The following IGSF11 variants were observed in gnomAD, a reference collection of about 807,000 sequenced individuals.
The protein encoded by IGSF11 is immunoglobulin superfamily member 11.
In IGSF11, 22 loss-of-function variants were observed where a neutral mutation model predicts 41.0. That is an observed-to-expected ratio of 0.54 (90% CI 0.38 to 0.77). The LOEUF (loss-of-function observed/expected upper bound fraction) is 0.77, where lower values mean the gene tolerates loss of function less well. Among genes scored for constraint, IGSF11 ranks in the 30% least tolerant of loss-of-function variants. IGSF11 has a pLI of 0.00. For synonymous variants in IGSF11, 219 were observed against 201.3 expected (o/e 1.09, Z -0.74); for missense variants, 444 against 530.8 (o/e 0.84, Z 1.61).
chr3:118,908,555 G>A (rs1939888195), intron 4 of IGSF11, among the ~76,000 whole-genome samples: 1 of 152,142 alleles, frequency 6.6e-6, no homozygotes, highest in Non-Finnish European at 1.5e-5. Context: ...TGCTCAGGCA[G>A]GGAAGTATTT....
intron 3 of IGSF11, 140 bp downstream of exon 3, chr3:118,928,369 G>C (rs2107529869): frequency 1.6e-6 from 1 of 640,132 alleles, no homozygotes; most frequent in South Asian, 2.0e-5. Flanking sequence ...CATGGAGAAG[G>C]AGAGAAGAGA....
intron 1 of IGSF11, among the ~76,000 whole-genome samples, chr3:119,068,907 G>A (rs1207244489): frequency 7.1e-6 from 1 of 141,120 alleles, no homozygotes; most frequent in Non-Finnish European, 1.5e-5. Flanking sequence ...GAGTGACAAT[G>A]GTTATTTTCT....
intron 1 of IGSF11, among the ~76,000 whole-genome samples, chr3:119,061,755 G>C (rs186496915): frequency 6.8e-6 from 1 of 147,318 alleles, no homozygotes; most frequent in Admixed American, 7.0e-5. Flanking sequence ...TATATACGTG[G>C]TTCCTACTAA....
At chr3:119,138,983 A>C (rs1466469562) in intron 1 of IGSF11, among the ~76,000 whole-genome samples, 4 of 152,152 alleles carry the variant, frequency 2.6e-5, no homozygotes, top group Non-Finnish European at 5.9e-5. Flanking sequence ...ATAGAAAAAA[A>C]ATTAATTCTA....
intron 1 of IGSF11, among the ~76,000 whole-genome samples, chr3:118,994,162 T>C (rs1390491786): frequency 1.3e-5 from 2 of 152,188 alleles, no homozygotes; most frequent in East Asian, 3.8e-4. Context: ...TCAACCTGTG[T>C]CTATATCTCA....
At chr3:119,064,325 T>G (rs944784996) in intron 1 of IGSF11, among the ~76,000 whole-genome samples, 2 of 152,188 alleles carry the variant, frequency 1.3e-5, no homozygotes, top group Admixed American at 6.5e-5. Context: ...AACTGCAGCA[T>G]AGCCTTTGTC....
intron 1 of IGSF11, among the ~76,000 whole-genome samples, chr3:119,082,922 TA>T (rs893803607): frequency 6.6e-6 from 1 of 152,010 alleles, no homozygotes; most frequent in Non-Finnish European, 1.5e-5. Context: ...CAAGGGAGTA[TA>T]AAAAGAAAAA....
intron 1 of IGSF11, among the ~76,000 whole-genome samples, chr3:119,061,389 G>C (rs761030929): frequency 3.3e-5 from 5 of 152,106 alleles, no homozygotes; most frequent in Admixed American, 2.0e-4. Flanking sequence ...GAGATTCTCT[G>C]ACACCAGCAG....
chr3:119,135,382 C>A (rs1351239353), intron 1 of IGSF11, among the ~76,000 whole-genome samples: 1 of 152,104 alleles, frequency 6.6e-6, no homozygotes, highest in Non-Finnish European at 1.5e-5. Flanking sequence ...AACAAACAAC[C>A]CCATCAAAAA....
At chr3:119,105,809 C>T (rs913755639), upstream of IGSF11, among the ~76,000 whole-genome samples, 2 of 152,142 alleles carry the variant, frequency 1.3e-5, no homozygotes, top group Non-Finnish European at 1.5e-5. Context: ...TTCCTTTGGC[C>T]TACCACCACA....
intron 4 of IGSF11, among the ~76,000 whole-genome samples, chr3:118,908,903 G>A (rs1939928479): frequency 6.6e-6 from 1 of 152,142 alleles, no homozygotes; most frequent in South Asian, 2.1e-4. Flanking sequence ...TGGTCATATG[G>A]TCTTGAGTGT....
At chr3:119,101,160 G>T (rs1163997895) in intron 1 of IGSF11, among the ~76,000 whole-genome samples, 1 of 152,174 alleles carries the variant, frequency 6.6e-6, no homozygotes, top group Non-Finnish European at 1.5e-5. Flanking sequence ...TAATACAAAT[G>T]ATTTAAATAG....
At chr3:118,932,724 A>G (rs1464993688) in intron 1 of IGSF11, among the ~76,000 whole-genome samples, 1 of 152,232 alleles carries the variant, frequency 6.6e-6, no homozygotes, top group East Asian at 1.9e-4. Context: ...AATTTAAAAT[A>G]AATGCTGATA....
chr3:119,009,721 T>TATC (rs1424068233), intron 1 of IGSF11, among the ~76,000 whole-genome samples: 1 of 152,206 alleles, frequency 6.6e-6, no homozygotes, highest in African/African-American at 2.4e-5. Context: ...TTATTTTCCT[T>TATC]ATCATTTCGC....
intron 1 of IGSF11, among the ~76,000 whole-genome samples, chr3:118,976,411 C>T (rs9861721): frequency 0.092 from 13,953 of 152,182 alleles, 1,278 homozygotes; most frequent in African/African-American, 0.24. Flanking sequence ...GCACCTTGTA[C>T]ATAGGAAATC....
chr3:118,990,667 T>C (rs749099166), intron 1 of IGSF11, among the ~76,000 whole-genome samples: 59 of 152,228 alleles, frequency 3.9e-4, no homozygotes, highest in Non-Finnish European at 1.0e-4. Context: ...AGCAGTATTG[T>C]AGACACTATG....
At chr3:118,940,169 T>C (rs1189088448) in intron 1 of IGSF11, among the ~76,000 whole-genome samples, 1 of 152,148 alleles carries the variant, frequency 6.6e-6, no homozygotes, top group African/African-American at 2.4e-5. Context: ...CTATTTAACA[T>C]GCAGATTGTA....
chr3:118,966,854 C>A (rs546117258), intron 1 of IGSF11, among the ~76,000 whole-genome samples: 5 of 152,244 alleles, frequency 3.3e-5, no homozygotes, highest in Admixed American at 3.3e-4. Flanking sequence ...CTTCCTCTCT[C>A]TTTGTCTAGT....
intron 1 of IGSF11, among the ~76,000 whole-genome samples, chr3:118,999,755 A>C (rs189266494): frequency 5.3e-5 from 8 of 152,344 alleles, no homozygotes; most frequent in African/African-American, 1.4e-4. Flanking sequence ...TTTAAAATCC[A>C]TATCTTATTC....
Sources: allele counts gnomAD v4.1 joint callset (sites outside exome capture counted in the v4.1 genomes callset), GRCh38; gene constraint gnomAD v4.1.1; transcripts MANE v1.5; gene names NCBI Gene and HGNC (gene_info 2026-07-23, HGNC 2026-07-21).